The following AGPAT3 variants were observed in gnomAD, a reference collection of about 807,000 sequenced individuals.
AGPAT3 encodes 1-acyl-sn-glycerol-3-phosphate acyltransferase gamma.
A neutral mutation model predicts 47.3 loss-of-function variants in AGPAT3; 5 were observed. The ratio of observed to expected loss-of-function variants is 0.11; its 90% CI spans 0.06 to 0.22. The LOEUF is 0.22. Among genes scored for constraint, AGPAT3 ranks in the 10% least tolerant of loss-of-function variants. The pLI is 1.00. For synonymous variants in AGPAT3, 212 were observed against 208.3 expected, an observed-to-expected ratio of 1.02 and a Z score of -0.15; for missense variants, 315 against 493.0, an observed-to-expected ratio of 0.64 and a Z score of 3.42.
At chr21:43,953,416 G>A (rs1211912324) in intron 2 of AGPAT3, among the ~76,000 whole-genome samples, 1 of 152,222 alleles carries the variant, frequency 6.6e-6, no homozygotes, top group East Asian at 1.9e-4. Flanking sequence ...GGACATGGAG[G>A]GAGTGCCGTG....
At chr21:43,866,757 G>A (rs1175594576) in intron 1 of AGPAT3, 1 of 152,334 alleles carries the variant, frequency 6.6e-6, no homozygotes, top group African/African-American at 2.4e-5. Flanking sequence ...GGCCTTAGAA[G>A]GTGTAGGGGC....
At chr21:43,902,965 G>A (rs1030012861) in intron 1 of AGPAT3, among the ~76,000 whole-genome samples, 21 of 152,084 alleles carry the variant, frequency 1.4e-4, no homozygotes, top group African/African-American at 4.8e-4. Flanking sequence ...GTGCCACGGC[G>A]ACTCCAGCCT....
At chr21:43,904,956 C>T (rs2086453387) in intron 2 of AGPAT3, among the ~76,000 whole-genome samples, 4 of 152,090 alleles carry the variant, frequency 2.6e-5, no homozygotes, top group South Asian at 2.1e-4. Flanking sequence ...CCAGTCACAA[C>T]CCAGGGTGTG....
At chr21:43,953,685 T>C (rs1046151162) in intron 2 of AGPAT3, among the ~76,000 whole-genome samples, 12 of 152,086 alleles carry the variant, frequency 7.9e-5, no homozygotes, top group Middle Eastern at 3.4e-3. Context: ...TTTTGTGGGG[T>C]TTGAAAACAG....
intron 2 of AGPAT3, among the ~76,000 whole-genome samples, chr21:43,921,352 C>T (rs1318754197): frequency 6.6e-6 from 1 of 152,078 alleles, no homozygotes; most frequent in Non-Finnish European, 1.5e-5. Context: ...ACGGTGTTCC[C>T]AGAGTTCTGT....
chr21:43,918,203 G>GGGTGTGGGTGTTGCGGCGGTTGTGGGT (rs1555901873), intron 2 of AGPAT3, among the ~76,000 whole-genome samples: 1 of 139,758 alleles, frequency 7.2e-6, no homozygotes, highest in African/African-American at 2.6e-5. Flanking sequence ...GGGTTGTGGA[G>GGGTGTGGGTGTTGCGGCGGTTGTGGGT]GTTGTGGGTG....
At chr21:43,924,269 C>T (rs942058081) in intron 2 of AGPAT3, among the ~76,000 whole-genome samples, 1 of 152,154 alleles carries the variant, frequency 6.6e-6, no homozygotes, top group Admixed American at 6.5e-5. Flanking sequence ...TCGTGACCCG[C>T]CCGCCTCGGC....
At chr21:43,919,267 G>A (rs1015913307) in intron 2 of AGPAT3, among the ~76,000 whole-genome samples, 2 of 136 alleles carry the variant, frequency 0.015, no homozygotes, top group African/African-American at 0.05. Context: ...CCTGTCACCC[G>A]AGCAGTGGTA....
chr21:43,925,847 C>T (rs535137603), intron 2 of AGPAT3, among the ~76,000 whole-genome samples: 2 of 152,362 alleles, frequency 1.3e-5, no homozygotes, highest in East Asian at 1.9e-4. Context: ...CCACCTTCTC[C>T]GTCAGGGCAG....
At chr21:43,966,537 C>T (rs1053666669) in intron 3 of AGPAT3, 3 of 152,272 alleles carry the variant, frequency 2.0e-5, no homozygotes, top group Non-Finnish European at 2.9e-5. Flanking sequence ...AGTTCCCTCT[C>T]TCCTTTCTGC....
At chr21:43,980,403 C>T (rs1267522034) in intron 8 of AGPAT3, among the ~76,000 whole-genome samples, 1 of 152,192 alleles carries the variant, frequency 6.6e-6, no homozygotes, top group Non-Finnish European at 1.5e-5. Flanking sequence ...CTCTATCAGG[C>T]ATGGTGATTT....
intron 2 of AGPAT3, among the ~76,000 whole-genome samples, chr21:43,943,638 C>T (rs1174483269): frequency 6.6e-6 from 1 of 152,196 alleles, no homozygotes; most frequent in Non-Finnish European, 1.5e-5. Context: ...GCCGGGGCAC[C>T]TCGGTTCCCT....
chr21:43,902,485 T>C (rs2086381229), intron 1 of AGPAT3, among the ~76,000 whole-genome samples: 1 of 152,196 alleles, frequency 6.6e-6, no homozygotes, highest in Admixed American at 6.5e-5. Context: ...TTTCTCACAG[T>C]TCTGGAGGCT....
chr21:43,971,741 C>G (rs974303884), intron 7 of AGPAT3, among the ~76,000 whole-genome samples: 11 of 152,236 alleles, frequency 7.2e-5, no homozygotes, highest in Admixed American at 2.0e-4. Flanking sequence ...TGGGGAGACT[C>G]ACCATTGCCC....
At chr21:43,980,654 C>T (rs59227715) in intron 8 of AGPAT3, among the ~76,000 whole-genome samples, 1,567 of 152,334 alleles carry the variant, frequency 0.01, 31 homozygotes, top group African/African-American at 0.036. Flanking sequence ...GCCTCTGGCT[C>T]GTGGGAGGTG....
intron 1 of AGPAT3, among the ~76,000 whole-genome samples, chr21:43,878,032 C>T (rs2085772367): frequency 6.6e-6 from 1 of 152,140 alleles, no homozygotes; most frequent in Non-Finnish European, 1.5e-5. Context: ...CAGCTCAGAT[C>T]CCATCACACT....
chr21:43,986,681 T>G lies in AGPAT3; in HGVS notation c.*4289T>G, dbSNP rs2030332184. On this transcript the variant is annotated 3_prime_UTR_variant, in exon 10 of 10. Transcript: ENST00000291572. ...AGTACTGTAACTGTAAAGGAAAATC[T>G]CTCTCTCTGGAGAACCCACACAAAC... 1 of 152,532 alleles carries G rather than the reference T, an allele frequency of 6.6e-6. No individual in the cohort carries two copies. The highest frequency in any genetic ancestry group is 1.5e-5 in the Non-Finnish European group (1 of 68,032). The allele number at this position is 152,532 out of a possible 1,614,324, so 9.4% of individuals were successfully genotyped here.
Position 43,907,709 on chromosome 21 carries a change from T to TC in AGPAT3, c.-49+3692dup, listed in dbSNP as rs771278933. ...TCCAGCCTGGGCGACAGAGCGAGACTCCGTCTCAACAACAACAACAACAAA... is the reference window on the plus strand; with the variant it reads ...TCCAGCCTGGGCGACAGAGCGAGACTCCCGTCTCAACAACAACAACAACAAA... On this transcript the variant is annotated intron_variant, in intron 2 of 9. Coordinates refer to ENST00000291572, the MANE Select transcript of AGPAT3 (RefSeq NM_020132.5). 6.6e-4 allele frequency among the ~76,000 whole-genome samples: 100 copies of TC among 152,230 alleles called. 1 individual carries two copies. Among genetic ancestry groups the TC allele is most frequent in the Admixed American group, 1.4e-3 (21 of 15,290 alleles).
chr21:43,974,222 CTA>C (rs950025475), intron 7 of AGPAT3, among the ~76,000 whole-genome samples: 32 of 84,120 alleles, frequency 3.8e-4, no homozygotes, highest in East Asian at 3.1e-3. Context: ...TATAAATTAT[CTA>C]TGTGTGTATA....
Sources: allele counts gnomAD v4.1 joint callset (sites outside exome capture counted in the v4.1 genomes callset), GRCh38; gene constraint gnomAD v4.1.1; transcripts MANE v1.5; gene names NCBI Gene and HGNC (gene_info 2026-07-23, HGNC 2026-07-21).